Variants in STAC observed in about 807,000 individuals in gnomAD.
STAC encodes SH3 and cysteine rich domain.
STAC carries 43 observed loss-of-function variants against 48.8 expected under a neutral mutation model. The observed-to-expected ratio is 0.88, with a 90% CI of 0.69 to 1.14. The LOEUF (loss-of-function observed/expected upper bound fraction) is 1.14. STAC is among the 50% of genes most tolerant of loss of function. The pLI is 0.00. For synonymous variants in STAC, 193 were observed against 179.5 expected (o/e 1.07, Z -0.60); for missense variants, 497 against 504.0 (o/e 0.99, Z 0.13).
At chr3:36,468,134 T>C (rs1249003256) in intron 2 of STAC, among the ~76,000 whole-genome samples, 1 of 152,156 alleles carries the variant, frequency 6.6e-6, no homozygotes, top group Non-Finnish European at 1.5e-5. Context: ...GGTTATTTAA[T>C]TTCCCTGTAT....
At position 36,443,261 on chromosome 3, in the gene STAC, G is replaced by A. The variant is rs1696408040; in HGVS notation, c.112-103G>A. 1 of 1,346,506 alleles carries A rather than the reference G, an allele frequency of 7.4e-7. No individual in the cohort carries two copies. The highest frequency in any genetic ancestry group is 1.0e-6 in the Non-Finnish European group (1 of 973,624). 83.4% of individuals were successfully genotyped at this position (1,346,506 alleles called of 1,614,324 possible). On this transcript the variant is annotated intron_variant, in intron 1 of 10. Transcript: ENST00000273183. The surrounding 1 kb of genome is among the most constrained non-coding windows in gnomAD (Gnocchi z 4.2). ...TATGAGCCTCCTCAAGACGGAGGGT[G>A]TCAGTGGGGACTGTGTAGTGCACAC...
chr3:36,400,333 C>T (rs373109841), intron 1 of STAC, among the ~76,000 whole-genome samples: 21 of 152,264 alleles, frequency 1.4e-4, no homozygotes, highest in Admixed American at 6.5e-4. Context: ...TATAACTATT[C>T]GAGAGCCTTA....
intron 6 of STAC, among the ~76,000 whole-genome samples, chr3:36,494,396 A>G (rs1698081371): frequency 6.6e-6 from 1 of 152,214 alleles, no homozygotes; most frequent in Admixed American, 6.5e-5. Flanking sequence ...TCATGGCAGA[A>G]GTTATCCCTC....
chr3:36,462,702 A>G (rs1389471353), intron 2 of STAC, among the ~76,000 whole-genome samples: 3 of 152,184 alleles, frequency 2.0e-5, no homozygotes, highest in Non-Finnish European at 4.4e-5. Flanking sequence ...TTGATAGCTC[A>G]ATTATGGGAA....
chr3:36,492,005 G>GAAAAA lies in STAC; in HGVS notation c.688-1123_688-1119dup, dbSNP rs1178508885. Among the ~76,000 whole-genome samples the GAAAAA allele has an allele frequency of 6.4e-3, 41 of 6,420 alleles. 15 individuals carry two copies. Among genetic ancestry groups the GAAAAA allele is most frequent in the African/African-American group, 0.016 (29 of 1,818 alleles). 4.2% of individuals were successfully genotyped at this position (6,420 alleles called of 152,430 possible). A position where few individuals can be genotyped will look rare whatever the true frequency, so the allele number is the denominator to read the frequency against. On this transcript the variant is annotated intron_variant, in intron 5 of 10. Transcript: ENST00000273183. Reference sequence around the variant, plus strand: ...GTGACAGAGCAAGACTCCATCTCAAGAAAAAAAAAAAAAAAAAAAAAAAAA... The same window carrying GAAAAA: ...GTGACAGAGCAAGACTCCATCTCAAGAAAAAAAAAAAAAAAAAAAAAAAAAAAAAA...
Position 36,451,462 on chromosome 3 carries a change from T to C in STAC, c.388+7822T>C, listed in dbSNP as rs902489619. On this transcript the variant is annotated intron_variant, in intron 2 of 10. Transcript: ENST00000273183. ...TGTTATTTCAGTGTTTTATAATTCATACTTTTGATTGAGAATAAATCTTAA... is the reference window on the plus strand; with the variant it reads ...TGTTATTTCAGTGTTTTATAATTCACACTTTTGATTGAGAATAAATCTTAA... Among the ~76,000 whole-genome samples, 3 of 146,510 alleles carry C rather than the reference T, an allele frequency of 2.0e-5. No individual in the cohort carries two copies. The Admixed American group carries it at 2.1e-4, about 10-fold the overall frequency.
chr3:36,532,640 GA>G (rs1272209889), intron 10 of STAC, among the ~76,000 whole-genome samples: 1 of 151,994 alleles, frequency 6.6e-6, no homozygotes, highest in Non-Finnish European at 1.5e-5. Context: ...AATACCCCTG[GA>G]AACCTACTAC....
At chr3:36,406,471 G>A (rs1212359006) in intron 1 of STAC, among the ~76,000 whole-genome samples, 1 of 152,202 alleles carries the variant, frequency 6.6e-6, no homozygotes, top group East Asian at 1.9e-4. Flanking sequence ...GGTCTTGATT[G>A]AGGCTGCCCC....
intron 1 of STAC, among the ~76,000 whole-genome samples, chr3:36,423,365 A>T (rs918573123): frequency 2.6e-5 from 4 of 151,866 alleles, no homozygotes; most frequent in Non-Finnish European, 5.9e-5. Flanking sequence ...GCCTTAAGAA[A>T]ATGGAATAAT....
chr3:36,520,449 C>A (rs1698773924), intron 8 of STAC, among the ~76,000 whole-genome samples: 1 of 152,180 alleles, frequency 6.6e-6, no homozygotes, highest in South Asian at 2.1e-4. Context: ...GCTCTGTGCA[C>A]AGGTCTGCAT....
At chr3:36,418,910 G>C (rs1230210539) in intron 1 of STAC, among the ~76,000 whole-genome samples, 1 of 151,800 alleles carries the variant, frequency 6.6e-6, no homozygotes, top group Non-Finnish European at 1.5e-5. Context: ...AGCCAGACAT[G>C]GTGGTGCATG....
Position 36,443,340 on chromosome 3 carries a change from G to T in STAC, c.112-24G>T, listed in dbSNP as rs770206385. On this transcript the variant is annotated intron_variant, in intron 1 of 10. Transcript: ENST00000273183. The surrounding 1 kb of genome is among the most constrained non-coding windows in gnomAD (Gnocchi z 4.2). Reference sequence around the variant, plus strand: ...TGCTTGATCCATTGATCGTAAGAGAGACTGTTCTGTCATTGCATTGCAGCT... The same window carrying T: ...TGCTTGATCCATTGATCGTAAGAGATACTGTTCTGTCATTGCATTGCAGCT... 1.9e-6 allele frequency: 3 copies of T among 1,613,530 alleles called. No homozygotes were observed. The highest frequency in any genetic ancestry group is 2.5e-6 in the Non-Finnish European group (3 of 1,179,842).
Position 36,443,268 on chromosome 3 carries a change from G to A in STAC, c.112-96G>A. On this transcript the variant is annotated intron_variant, in intron 1 of 10. Coordinates refer to ENST00000273183, the MANE Select transcript of STAC (RefSeq NM_003149.3). This position sits in a 1 kb window ranked among gnomAD's most constrained non-coding sequence, Gnocchi z 4.2. ...CTCCTCAAGACGGAGGGTGTCAGTG[G>A]GGACTGTGTAGTGCACACAGCAGAC... 1 of 1,400,154 alleles carries A rather than the reference G, an allele frequency of 7.1e-7. No individual in the cohort carries two copies. The allele number at this position is 1,400,154 out of a possible 1,614,324, so 86.7% of individuals were successfully genotyped here.
chr3:36,454,804 G>C (rs73831046), intron 2 of STAC, among the ~76,000 whole-genome samples: 4,738 of 152,176 alleles, frequency 0.031, 222 homozygotes, highest in African/African-American at 0.11. Flanking sequence ...ATTGACTGAA[G>C]TCTTATATGA....
intron 2 of STAC, among the ~76,000 whole-genome samples, chr3:36,479,302 T>A (rs1429652956): frequency 2.0e-5 from 3 of 151,678 alleles, no homozygotes; most frequent in Non-Finnish European, 2.9e-5. Context: ...TGAAATTTCA[T>A]CTTCTTCTAG....
At chr3:36,400,039 C>G (rs1376243139) in intron 1 of STAC, among the ~76,000 whole-genome samples, 1 of 152,214 alleles carries the variant, frequency 6.6e-6, no homozygotes. Context: ...GAGGTACAAG[C>G]AGTAAAGTAA....
chr3:36,494,864 G>A (rs1335550142), intron 6 of STAC, among the ~76,000 whole-genome samples: 1 of 152,202 alleles, frequency 6.6e-6, no homozygotes, highest in Non-Finnish European at 1.5e-5. Flanking sequence ...GTCTGGCACT[G>A]CAAGACCAGC....
chr3:36,490,672 C>A (rs79156336), intron 5 of STAC, among the ~76,000 whole-genome samples: 2,662 of 152,016 alleles, frequency 0.018, 21 homozygotes, highest in Non-Finnish European at 0.021. Flanking sequence ...GCTTTGCTGA[C>A]CTATGACAAA....
At chr3:36,459,302 G>A (rs975419253) in intron 2 of STAC, 1 of 152,126 alleles carries the variant, frequency 6.6e-6, no homozygotes, top group Non-Finnish European at 1.5e-5. Flanking sequence ...ACTAGGGAAA[G>A]CCACAAGTGG....
Sources: allele counts gnomAD v4.1 joint callset (sites outside exome capture counted in the v4.1 genomes callset), GRCh38; gene constraint gnomAD v4.1.1; non-coding constraint Gnocchi (gnomAD v3.1); transcripts MANE v1.5; gene names NCBI Gene and HGNC (gene_info 2026-07-23, HGNC 2026-07-21).